Variants in TRHDE observed in about 807,000 individuals in gnomAD.
The protein encoded by TRHDE is thyrotropin releasing hormone degrading enzyme, also known as thyrotropin-releasing hormone-degrading ectoenzyme.
A neutral mutation model predicts 125.7 loss-of-function variants in TRHDE; 72 were observed. The ratio of observed to expected loss-of-function variants is 0.57; its 90% CI spans 0.47 to 0.70. The LOEUF (loss-of-function observed/expected upper bound fraction) is 0.70, where lower values mean the gene tolerates loss of function less well. Among genes scored for constraint, TRHDE ranks in the 30% least tolerant of loss-of-function variants. The pLI, the probability that TRHDE is intolerant of heterozygous loss-of-function variation, is 0.00. For missense variants in TRHDE, 1,110 were observed against 1,327.1 expected (o/e 0.84, Z 2.54); for synonymous variants, 509 against 509.1 (o/e 1.00, Z 0.00).
At chr12:72,658,368 C>T (rs188931229) in intron 18 of TRHDE, among the ~76,000 whole-genome samples, 13 of 152,230 alleles carry the variant, frequency 8.5e-5, no homozygotes, top group Admixed American at 8.5e-4. Flanking sequence ...TTAGTCACAA[C>T]CTGTGCAGCC....
At chr12:72,269,892 G>C (rs1879156407), upstream of TRHDE, among the ~76,000 whole-genome samples, 1 of 152,134 alleles carries the variant, frequency 6.6e-6, no homozygotes. Flanking sequence ...GTTTTAGAAA[G>C]AGAAAGTCTT....
intron 2 of TRHDE, among the ~76,000 whole-genome samples, chr12:72,352,133 T>C (rs1870609404): frequency 6.6e-6 from 1 of 151,890 alleles, no homozygotes; most frequent in Admixed American, 6.6e-5. Context: ...TTGTCAATTT[T>C]TCCTTGCTTT....
chr12:72,164,642 G>A (rs540365940), intron 2 of TRHDE, among the ~76,000 whole-genome samples: 35 of 152,280 alleles, frequency 2.3e-4, no homozygotes, highest in African/African-American at 7.9e-4. Context: ...CAGCGAGCTG[G>A]ACAAGATAAC....
At chr12:72,257,270 A>G (rs1437546375) in intron 2 of TRHDE, 4 of 152,198 alleles carry the variant, frequency 2.6e-5, no homozygotes, top group Admixed American at 2.6e-4. Flanking sequence ...AAAATTCCAC[A>G]CCTGACTTTA....
At chr12:72,277,738 C>T (rs1879540464) in intron 1 of TRHDE, among the ~76,000 whole-genome samples, 1 of 152,080 alleles carries the variant, frequency 6.6e-6, no homozygotes, top group African/African-American at 2.4e-5. Context: ...AAAATCTATG[C>T]AATTGGTGTT....
intron 3 of TRHDE, among the ~76,000 whole-genome samples, chr12:72,426,106 T>C (rs1429966217): frequency 6.6e-6 from 1 of 152,126 alleles, no homozygotes; most frequent in Non-Finnish European, 1.5e-5. Context: ...CAATAGTATG[T>C]ATAACCTCTC....
chr12:72,519,202 G>A (rs995414063), intron 6 of TRHDE, among the ~76,000 whole-genome samples: 1 of 152,240 alleles, frequency 6.6e-6, no homozygotes, highest in African/African-American at 2.4e-5. Flanking sequence ...TGCCTTGCTA[G>A]GTTGGGGAAG....
intron 9 of TRHDE, among the ~76,000 whole-genome samples, chr12:72,564,396 T>C (rs561327540): frequency 6.6e-6 from 1 of 152,082 alleles, no homozygotes; most frequent in Non-Finnish European, 1.5e-5. Context: ...TGTGGCCAAG[T>C]TAGAGAGATT....
At chr12:72,433,954 G>A (rs553427641) in intron 3 of TRHDE, among the ~76,000 whole-genome samples, 1 of 152,124 alleles carries the variant, frequency 6.6e-6, no homozygotes, top group East Asian at 1.9e-4. Flanking sequence ...AGAGCTGGTG[G>A]GAAAGAAAGC....
intron 3 of TRHDE, among the ~76,000 whole-genome samples, chr12:72,451,580 TG>T: frequency 7.0e-6 from 1 of 142,864 alleles, no homozygotes; most frequent in Non-Finnish European, 1.6e-5. Flanking sequence ...CTTTGTTTTT[TG>T]TTGTTGTTGT....
At chr12:72,474,441 C>T (rs1356779625) in intron 5 of TRHDE, among the ~76,000 whole-genome samples, 1 of 152,052 alleles carries the variant, frequency 6.6e-6, no homozygotes, top group Non-Finnish European at 1.5e-5. Flanking sequence ...TTCCTCCTCC[C>T]CCAAGCCTCT....
At position 72,262,161 on chromosome 12, in the gene TRHDE, T is replaced by C. The variant is rs114399875; in HGVS notation, n.280-115834T>C. Among the ~76,000 whole-genome samples the C allele has an allele frequency of 4.4e-3, 669 of 152,306 alleles. 6 individuals are homozygous for C. Among genetic ancestry groups the C allele is most frequent in the African/African-American group, 0.015 (640 of 41,570 alleles). On this transcript the variant is annotated intron_variant and non_coding_transcript_variant, in intron 2 of 4. Coordinates refer to the TRHDE transcript ENST00000548156. ...ACTACAATTCGTTCTCTTGTTTTAA[T>C]GCAATTTCAACTAGCTAATATGTAC...
chr12:72,405,893 T>A (rs1873244518), intron 3 of TRHDE, among the ~76,000 whole-genome samples: 1 of 152,196 alleles, frequency 6.6e-6, no homozygotes, highest in African/African-American at 2.4e-5. Context: ...CACTATTACC[T>A]TTGCACAAAC....
intron 2 of TRHDE, among the ~76,000 whole-genome samples, chr12:72,328,962 T>C (rs1025423072): frequency 3.3e-5 from 5 of 152,198 alleles, no homozygotes; most frequent in African/African-American, 1.2e-4. Flanking sequence ...ATTTTTTATA[T>C]GGTTTCATTT....
rs564358852 is a variant in TRHDE, at chr12:72,639,467, G to A, written c.2676-12855G>A. Among the ~76,000 whole-genome samples the A allele has an allele frequency of 3.6e-4, 55 of 152,178 alleles. 1 individual carries two copies. The highest frequency in any genetic ancestry group is 2.7e-3 in the East Asian group (14 of 5,168). The stretch of plus-strand genomic sequence containing the variant: ...TGGTTTGAATGTCCTCCCGTAGCTC[G>A]GAGTAATTTGATCATCTGAAGCCTT... On this transcript the variant is annotated intron_variant, in intron 15 of 18. Transcript: ENST00000261180.
intron 15 of TRHDE, among the ~76,000 whole-genome samples, chr12:72,624,268 C>G (rs371124870): frequency 4.4e-4 from 67 of 151,624 alleles, no homozygotes; most frequent in African/African-American, 1.6e-3. Flanking sequence ...TTAAATGGCC[C>G]TATAGCAATA....
At chr12:72,359,604 A>T (rs1870977101) in intron 2 of TRHDE, among the ~76,000 whole-genome samples, 1 of 151,696 alleles carries the variant, frequency 6.6e-6, no homozygotes. Context: ...AAGTTGCGCA[A>T]GGCTTATGTG....
At chr12:72,169,562 G>A (rs1228240715) in intron 2 of TRHDE, among the ~76,000 whole-genome samples, 1 of 151,914 alleles carries the variant, frequency 6.6e-6, no homozygotes, top group Non-Finnish European at 1.5e-5. Flanking sequence ...TCTTATAAAG[G>A]TGCAAATACT....
chr12:72,662,870 T>C (rs182471771), intron 18 of TRHDE, among the ~76,000 whole-genome samples, 182 bp from the exon 19 acceptor site: 1 of 150,390 alleles, frequency 6.6e-6, no homozygotes, highest in Non-Finnish European at 1.5e-5. Context: ...ACATAATCTG[T>C]CATATTTCAT....
Sources: gnomAD v4.1 joint callset for allele counts (sites outside exome capture counted in the v4.1 genomes callset) on GRCh38, gnomAD v4.1.1 for gene constraint, MANE v1.5 for transcripts, NCBI Gene and HGNC (gene_info 2026-07-23, HGNC 2026-07-21) for gene names.